The following MAP4K5 variants were observed in gnomAD, a reference collection of about 807,000 sequenced individuals.
MAP4K5 encodes the protein mitogen-activated protein kinase kinase kinase kinase 5, also known as MAPK/ERK kinase kinase kinase 5.
In MAP4K5, 82 loss-of-function variants were observed where a neutral mutation model predicts 135.6. That is an observed-to-expected ratio of 0.60 (90% CI 0.51 to 0.73). MAP4K5 has a LOEUF of 0.73. MAP4K5 is among the 30% of genes least tolerant of loss of function. The pLI is 0.00. For synonymous variants in MAP4K5, 347 were observed against 335.0 expected, an observed-to-expected ratio of 1.04 and a Z score of -0.39; for missense variants, 907 against 1,010.9, an observed-to-expected ratio of 0.90 and a Z score of 1.39.
intron 2 of MAP4K5, among the ~76,000 whole-genome samples, chr14:50,527,818 A>G (rs2038299063): frequency 1.6e-5 from 1 of 61,750 alleles, no homozygotes; most frequent in African/African-American, 5.0e-5. Context: ...GAAAGGTAAA[A>G]TAATAATAAT....
intron 2 of MAP4K5, among the ~76,000 whole-genome samples, chr14:50,506,696 A>T (rs573635865): frequency 6.6e-6 from 1 of 152,308 alleles, no homozygotes; most frequent in South Asian, 2.1e-4. Context: ...CTACTTTGTG[A>T]TAAGTTCACA....
At chr14:50,434,287 A>G (rs1332415346) in intron 28 of MAP4K5, 107 bp downstream of exon 28, 5 of 766,846 alleles carry the variant, frequency 6.5e-6, no homozygotes, top group African/African-American at 1.8e-5. Flanking sequence ...TATGTTTTGA[A>G]TATTTAAAAG....
chr14:50,546,814 A>G (rs1405403471), intron 1 of MAP4K5, among the ~76,000 whole-genome samples: 1 of 135,308 alleles, frequency 7.4e-6, no homozygotes, highest in Admixed American at 8.1e-5. Flanking sequence ...CTGAATTATC[A>G]GCAAAATGCC....
intron 1 of MAP4K5, among the ~76,000 whole-genome samples, chr14:50,547,409 A>C (rs900958663): frequency 2.0e-5 from 3 of 152,202 alleles, no homozygotes; most frequent in Admixed American, 2.0e-4. Context: ...TAGGGGAAGC[A>C]TTGGTGGACC....
chr14:50,467,267 CAAA>C (rs759206982), intron 10 of MAP4K5, among the ~76,000 whole-genome samples: 1 of 151,990 alleles, frequency 6.6e-6, no homozygotes, highest in Non-Finnish European at 1.5e-5. Flanking sequence ...GCATTTCCTA[CAAA>C]AATCCCAGGT....
chr14:50,456,862 T>C (rs2036604220), intron 13 of MAP4K5: 1 of 306,420 alleles, frequency 3.3e-6, no homozygotes, highest in African/African-American at 2.2e-5. Flanking sequence ...GACACACAAA[T>C]ACAGATAAGA....
Position 50,420,017 on chromosome 14 carries a change from G to A in MAP4K5, c.*2C>T. Reference sequence around the variant, plus strand: ...CTGTCATTTGAGATCAGTTTCTGTTGCTTAGTAACTATTTTCATGTCCAGC... The same window carrying A: ...CTGTCATTTGAGATCAGTTTCTGTTACTTAGTAACTATTTTCATGTCCAGC... On this transcript the variant is annotated 3_prime_UTR_variant, in exon 33 of 33. Transcript: ENST00000682126. 6.3e-7 allele frequency: 1 copy of A among 1,593,246 alleles called. No individual in the cohort carries two copies. Among genetic ancestry groups the A allele is most frequent in the Non-Finnish European group, 8.6e-7 (1 of 1,164,922 alleles).
At chr14:50,544,192 C>A (rs2038599164) in intron 1 of MAP4K5, among the ~76,000 whole-genome samples, 1 of 152,200 alleles carries the variant, frequency 6.6e-6, no homozygotes, top group South Asian at 2.1e-4. Flanking sequence ...GGACTTGGAT[C>A]CTCTGAGACT....
At chr14:50,475,222 G>T in intron 8 of MAP4K5, 73 bp from the exon 9 acceptor site, 1 of 1,070,100 alleles carries the variant, frequency 9.3e-7, no homozygotes, top group Non-Finnish European at 1.4e-6. Context: ...TCGCCCTTAG[G>T]CATGGCAGTA....
At chr14:50,500,818 AG>A (rs1456766485) in intron 3 of MAP4K5, among the ~76,000 whole-genome samples, 1 of 152,194 alleles carries the variant, frequency 6.6e-6, no homozygotes, top group Non-Finnish European at 1.5e-5. Context: ...AGAGAAATCG[AG>A]GTTAATGCCT....
At chr14:50,431,657 G>A (rs2035973445) in intron 28 of MAP4K5, among the ~76,000 whole-genome samples, 1 of 151,736 alleles carries the variant, frequency 6.6e-6, no homozygotes, top group Non-Finnish European at 1.5e-5. Flanking sequence ...TATCGTTGTT[G>A]GACATTTGGG....
intron 9 of MAP4K5, among the ~76,000 whole-genome samples, chr14:50,469,713 A>C (rs1354611973): frequency 6.6e-6 from 1 of 152,200 alleles, no homozygotes; most frequent in African/African-American, 2.4e-5. Flanking sequence ...ACAACTGTTG[A>C]ATATACAAAA....
intron 2 of MAP4K5, among the ~76,000 whole-genome samples, chr14:50,526,766 CT>C (rs2038273976): frequency 6.6e-6 from 1 of 152,110 alleles, no homozygotes; most frequent in Non-Finnish European, 1.5e-5. Context: ...AAAATGGGAT[CT>C]TGGGATATGT....
intron 2 of MAP4K5, among the ~76,000 whole-genome samples, chr14:50,524,454 T>C (rs1286038928): frequency 6.6e-6 from 1 of 152,086 alleles, no homozygotes; most frequent in African/African-American, 2.4e-5. Flanking sequence ...GTTTCAACAG[T>C]AAACATAAGA....
chr14:50,520,530 C>T (rs2038127294), intron 2 of MAP4K5, among the ~76,000 whole-genome samples: 2 of 152,074 alleles, frequency 1.3e-5, no homozygotes, highest in African/African-American at 2.4e-5. Context: ...AGTCACAATC[C>T]TTCTCAGGCA....
At chr14:50,502,461 C>T (rs1288494881) in intron 3 of MAP4K5, among the ~76,000 whole-genome samples, 2 of 152,076 alleles carry the variant, frequency 1.3e-5, no homozygotes, top group Non-Finnish European at 1.5e-5. Flanking sequence ...AAAAAGGAAG[C>T]CATTCCCAAT....
In MAP4K5 at chr14:50,476,117, A is replaced by G; in HGVS notation, c.469+11T>C. 7.0e-7 allele frequency: 1 copy of G among 1,436,818 alleles called. No individual in the cohort carries two copies. The highest frequency in any genetic ancestry group is 9.2e-7 in the Non-Finnish European group (1 of 1,083,636). 89.0% of individuals were successfully genotyped at this position (1,436,818 alleles called of 1,614,324 possible). On this transcript the variant is annotated intron_variant, in intron 8 of 32. Coordinates refer to ENST00000682126, the MANE Select transcript of MAP4K5 (RefSeq NM_006575.6). ...TTTTGGAAAAAATTTTAGGAATTTG[A>G]AATAACATACCTAATTTTACATCGC...
intron 17 of MAP4K5, 85 bp from the exon 18 acceptor site, chr14:50,445,279 ATTC>A: frequency 1.6e-6 from 2 of 1,278,238 alleles, no homozygotes; most frequent in South Asian, 2.9e-5. Context: ...ACCTTTTTTC[ATTC>A]TTCTATACAG....
intron 13 of MAP4K5, among the ~76,000 whole-genome samples, chr14:50,459,527 C>T (rs1320603330): frequency 1.3e-5 from 2 of 152,136 alleles, no homozygotes; most frequent in Non-Finnish European, 2.9e-5. Context: ...AAAAAATGCA[C>T]ATTTTGATTA....
Sources: gnomAD v4.1 joint callset for allele counts (sites outside exome capture counted in the v4.1 genomes callset) on GRCh38, gnomAD v4.1.1 for gene constraint, MANE v1.5 for transcripts, NCBI Gene and HGNC (gene_info 2026-07-23, HGNC 2026-07-21) for gene names.